HDAC9: variants seen among roughly 807,000 people sequenced by gnomAD.
HDAC9 encodes histone deacetylase 9.
A neutral mutation model predicts 139.4 loss-of-function variants in HDAC9; 41 were observed. The ratio of observed to expected loss-of-function variants is 0.29; its 90% confidence interval spans 0.23 to 0.38. HDAC9 has a LOEUF of 0.38. HDAC9 is among the 10% of genes least tolerant of loss of function. HDAC9 has a pLI of 1.00. For synonymous variants in HDAC9, 517 were observed against 476.2 expected, an observed-to-expected ratio of 1.09 and a Z score of -1.12; for missense variants, 1,147 against 1,297.0, an observed-to-expected ratio of 0.88 and a Z score of 1.78.
At chr7:18,628,683 A>G (rs535217747) in intron 6 of HDAC9, among the ~76,000 whole-genome samples, 1 of 152,328 alleles carries the variant, frequency 6.6e-6, no homozygotes, top group Admixed American at 6.5e-5. Context: ...GGAATATATA[A>G]CCTAACTCAG....
intron 1 of HDAC9, among the ~76,000 whole-genome samples, chr7:18,452,890 T>C (rs112612515): frequency 0.01 from 1,557 of 152,294 alleles, 26 homozygotes; most frequent in African/African-American, 0.035. Context: ...GTTTCGGGTA[T>C]ATCTTTATTA....
At chr7:18,420,942 A>G (rs570110498) in intron 1 of HDAC9, among the ~76,000 whole-genome samples, 71 of 152,342 alleles carry the variant, frequency 4.7e-4, no homozygotes, top group African/African-American at 1.6e-3. Flanking sequence ...CTGGAAGAAC[A>G]TTCCAGGCAG....
chr7:18,230,674 T>C (rs1190594650), intron 2 of HDAC9, among the ~76,000 whole-genome samples: 2 of 152,214 alleles, frequency 1.3e-5, no homozygotes, highest in African/African-American at 2.4e-5. Context: ...GCAATGTTAA[T>C]GGGTTTTGGT....
chr7:18,246,067 T>C (rs1794501819), intron 2 of HDAC9, among the ~76,000 whole-genome samples: 1 of 150,356 alleles, frequency 6.7e-6, no homozygotes, highest in Non-Finnish European at 1.5e-5. Flanking sequence ...CATGGAGCTT[T>C]CATTCTAGCC....
At chr7:18,948,724 T>G (rs1782579425) in intron 23 of HDAC9, among the ~76,000 whole-genome samples, 1 of 152,182 alleles carries the variant, frequency 6.6e-6, no homozygotes, top group East Asian at 1.9e-4. Flanking sequence ...AGTTCCATCT[T>G]AGAAAACTGA....
chr7:18,908,992 C>T (rs1405208458), intron 22 of HDAC9, among the ~76,000 whole-genome samples: 1 of 151,986 alleles, frequency 6.6e-6, no homozygotes, highest in Non-Finnish European at 1.5e-5. Flanking sequence ...ACTGGCTGTA[C>T]TAATTTATAT....
At chr7:18,909,695 A>G (rs77452545) in intron 22 of HDAC9, among the ~76,000 whole-genome samples, 8,151 of 152,004 alleles carry the variant, frequency 0.054, 275 homozygotes, top group South Asian at 0.13. Flanking sequence ...GCATGGATAT[A>G]TTGCATGATG....
intron 6 of HDAC9, 118 bp downstream of exon 6, chr7:18,594,147 C>T: frequency 2.1e-6 from 2 of 947,880 alleles, no homozygotes; most frequent in South Asian, 3.2e-5. Context: ...TACCTCCCCA[C>T]CCCTGCCCCC....
At chr7:18,279,136 G>C (rs867374589) in intron 2 of HDAC9, among the ~76,000 whole-genome samples, 1 of 152,088 alleles carries the variant, frequency 6.6e-6, no homozygotes, top group South Asian at 2.1e-4. Flanking sequence ...ATAAAAGCTC[G>C]CTTACGAAGA....
intron 25 of HDAC9, among the ~76,000 whole-genome samples, chr7:18,980,276 T>A (rs914767007): frequency 1.3e-5 from 2 of 152,138 alleles, no homozygotes; most frequent in African/African-American, 4.8e-5. Context: ...AAAACAGTGT[T>A]TACTTTGAAA....
chr7:18,485,808 T>C (rs1351294210), intron 1 of HDAC9, among the ~76,000 whole-genome samples: 1 of 152,242 alleles, frequency 6.6e-6, no homozygotes, highest in East Asian at 1.9e-4. Context: ...ATCCAAGTTG[T>C]ACAGTCCTGC....
chr7:18,676,409 A>G (rs899551061), intron 12 of HDAC9, among the ~76,000 whole-genome samples: 16 of 151,914 alleles, frequency 1.1e-4, no homozygotes, highest in African/African-American at 3.9e-4. Flanking sequence ...AAATCTTGCA[A>G]TGATTTCTTG....
chr7:18,753,658 C>T (rs1336243113), intron 14 of HDAC9, among the ~76,000 whole-genome samples: 1 of 152,110 alleles, frequency 6.6e-6, no homozygotes, highest in East Asian at 1.9e-4. Flanking sequence ...ATCCACAACT[C>T]AAACTTTTGG....
chr7:18,805,967 G>T (rs1793672017), intron 17 of HDAC9, among the ~76,000 whole-genome samples: 1 of 152,194 alleles, frequency 6.6e-6, no homozygotes, highest in Admixed American at 6.5e-5. Context: ...CATCACATTT[G>T]CCCACTGCTG....
intron 2 of HDAC9, among the ~76,000 whole-genome samples, chr7:18,514,151 G>A (rs767277493): frequency 7.2e-5 from 11 of 152,076 alleles, no homozygotes; most frequent in Non-Finnish European, 1.2e-4. Flanking sequence ...GTGTATATGC[G>A]TTGTATGTGT....
At chr7:18,869,096 G>A (rs188092375) in intron 21 of HDAC9, among the ~76,000 whole-genome samples, 1 of 152,036 alleles carries the variant, frequency 6.6e-6, no homozygotes, top group African/African-American at 2.4e-5. Flanking sequence ...AACCCAAAGA[G>A]GGGGGCATGG....
intron 7 of HDAC9, among the ~76,000 whole-genome samples, chr7:18,632,084 G>A (rs565074946): frequency 8.6e-5 from 13 of 151,912 alleles, no homozygotes; most frequent in African/African-American, 3.1e-4. Context: ...ATGGAAATGA[G>A]ACATTAATGA....
At chr7:18,988,278 G>C (rs941134037) in intron 25 of HDAC9, among the ~76,000 whole-genome samples, 3 of 152,016 alleles carry the variant, frequency 2.0e-5, no homozygotes, top group African/African-American at 7.3e-5. Flanking sequence ...GTTCTCGTTG[G>C]TTTCAAAGAA....
intron 1 of HDAC9, among the ~76,000 whole-genome samples, chr7:18,142,311 A>G (rs1785958299): frequency 6.6e-6 from 1 of 152,196 alleles, no homozygotes; most frequent in African/African-American, 2.4e-5. Flanking sequence ...TTGTGTTTCC[A>G]AAACAATCAG....
Sources: gnomAD v4.1 joint callset for allele counts (sites outside exome capture counted in the v4.1 genomes callset) on GRCh38, gnomAD v4.1.1 for gene constraint, MANE v1.5 for transcripts, NCBI Gene and HGNC (gene_info 2026-07-23, HGNC 2026-07-21) for gene names.